PARM1: variants seen among roughly 807,000 people sequenced by gnomAD.
PARM1 encodes WSC4, cell wall integrity and stress response component 4 homolog.
Under a neutral mutation model 24.6 loss-of-function variants are expected in PARM1, and 14 were observed. The ratio of observed to expected loss-of-function variants is 0.57; its 90% CI spans 0.38 to 0.89. The LOEUF (loss-of-function observed/expected upper bound fraction) is 0.89, where lower values mean the gene tolerates loss of function less well. Ranked by LOEUF, PARM1 falls within the 40% of genes least tolerant of loss-of-function variation. The pLI is 0.00. For synonymous variants in PARM1, 179 were observed against 156.6 expected, an observed-to-expected ratio of 1.14 and a Z score of -1.07; for missense variants, 362 against 380.4, an observed-to-expected ratio of 0.95 and a Z score of 0.40.
chr4:74,999,013 A>G (rs1722629011), intron 1 of PARM1: 1 of 152,278 alleles, frequency 6.6e-6, no homozygotes, highest in Admixed American at 6.5e-5. Flanking sequence ...CTGACGGGAA[A>G]GAGCGTTAAT....
At chr4:74,996,242 C>T (rs1198487638) in intron 1 of PARM1, among the ~76,000 whole-genome samples, 6 of 152,124 alleles carry the variant, frequency 3.9e-5, no homozygotes, top group Non-Finnish European at 7.3e-5. Context: ...TGCTCTGTAG[C>T]AGCTCACTCC....
chr4:75,025,915 G>A (rs1723174952), intron 2 of PARM1, among the ~76,000 whole-genome samples: 1 of 152,132 alleles, frequency 6.6e-6, no homozygotes. Flanking sequence ...GTAGATAAGA[G>A]TATAAACATG....
chr4:74,946,344 C>G (rs1015069695), intron 1 of PARM1, among the ~76,000 whole-genome samples: 1 of 152,174 alleles, frequency 6.6e-6, no homozygotes, highest in African/African-American at 2.4e-5. Flanking sequence ...GATTCTCTTC[C>G]CCATCCCCAC....
intron 3 of PARM1, among the ~76,000 whole-genome samples, chr4:75,039,101 T>A (rs1723427614): frequency 1.3e-5 from 2 of 152,242 alleles, no homozygotes; most frequent in Admixed American, 1.3e-4. Flanking sequence ...AAGGCCAAGA[T>A]CTTCTAGAAT....
chr4:74,940,964 TCACTGC>T (rs1000311512), intron 1 of PARM1, among the ~76,000 whole-genome samples: 1 of 152,224 alleles, frequency 6.6e-6, no homozygotes, highest in Non-Finnish European at 1.5e-5. Flanking sequence ...TGAGGTGACC[TCACTGC>T]CACTTGTTCA....
intron 1 of PARM1, among the ~76,000 whole-genome samples, chr4:74,952,901 CTAAAG>C (rs1461750763): frequency 1.3e-5 from 2 of 152,138 alleles, no homozygotes; most frequent in African/African-American, 2.4e-5. Context: ...TCCTTCCTTA[CTAAAG>C]TAATTAGAAG....
At chr4:74,984,635 C>T (rs764697093) in intron 1 of PARM1, among the ~76,000 whole-genome samples, 18 of 151,988 alleles carry the variant, frequency 1.2e-4, no homozygotes, top group Non-Finnish European at 2.2e-4. Context: ...TAGAGATTAA[C>T]AAAATAAAAA....
intron 2 of PARM1, among the ~76,000 whole-genome samples, chr4:75,016,832 A>G (rs1055173396): frequency 1.3e-5 from 2 of 152,078 alleles, no homozygotes; most frequent in Non-Finnish European, 2.9e-5. Flanking sequence ...ATTGTCATCT[A>G]TGTGCTGATA....
chr4:74,945,697 G>A (rs1721399190), intron 1 of PARM1, among the ~76,000 whole-genome samples: 1 of 152,126 alleles, frequency 6.6e-6, no homozygotes, highest in African/African-American at 2.4e-5. Flanking sequence ...ACATATGGGA[G>A]CAATTTCTTA....
At chr4:75,008,271 C>A (rs1052455357) in intron 1 of PARM1, among the ~76,000 whole-genome samples, 1 of 152,186 alleles carries the variant, frequency 6.6e-6, no homozygotes, top group Non-Finnish European at 1.5e-5. Context: ...CTGTAAAGTT[C>A]TTTAAATAAG....
intron 1 of PARM1, among the ~76,000 whole-genome samples, chr4:75,010,320 G>C (rs1228055001): frequency 1.3e-5 from 2 of 152,246 alleles, no homozygotes; most frequent in South Asian, 2.1e-4. Flanking sequence ...CATAGAGACA[G>C]TAGAGTGTAG....
At chr4:75,004,020 G>A (rs191069090) in intron 1 of PARM1, among the ~76,000 whole-genome samples, 438 of 152,216 alleles carry the variant, frequency 2.9e-3, no homozygotes, top group African/African-American at 1.0e-2. Flanking sequence ...CATAAAGAAA[G>A]GAAATCCCTG....
At chr4:74,952,559 G>C (rs1721547301) in intron 1 of PARM1, among the ~76,000 whole-genome samples, 1 of 152,034 alleles carries the variant, frequency 6.6e-6, no homozygotes. Context: ...ATAGTTTTAG[G>C]TCTTACGTTT....
rs535970371 is a variant in PARM1, at chr4:74,988,455, G to T, written c.44-23970G>T. ...GCTGTGTAAATATGGGAGAGAAGAT[G>T]ATTAGTGGGAGAGATAAGAGAGACA... is the stretch of plus-strand genomic sequence containing the variant. On this transcript the variant is annotated intron_variant, in intron 1 of 3. Transcript: ENST00000307428. 5.3e-5 allele frequency among the ~76,000 whole-genome samples: 8 copies of T among 152,288 alleles called. No individual in the cohort carries two copies. In the East Asian group the frequency reaches 1.3e-3, roughly 26 times the overall value.
At chr4:74,999,592 G>C (rs1316462524) in intron 1 of PARM1, among the ~76,000 whole-genome samples, 1 of 152,054 alleles carries the variant, frequency 6.6e-6, no homozygotes, top group Non-Finnish European at 1.5e-5. Context: ...TAGATACCTG[G>C]GTTCCTTGCA....
At chr4:74,939,747 C>A (rs1721266147) in intron 1 of PARM1, among the ~76,000 whole-genome samples, 1 of 152,104 alleles carries the variant, frequency 6.6e-6, no homozygotes, top group Admixed American at 6.5e-5. Flanking sequence ...ATCAATTGAA[C>A]TGTGGTGGAT....
chr4:74,938,732 G>T (rs1721242679), intron 1 of PARM1, among the ~76,000 whole-genome samples: 1 of 152,094 alleles, frequency 6.6e-6, no homozygotes. Flanking sequence ...TCTGATGTGT[G>T]AATCTTTAAA....
At chr4:74,964,893 G>A (rs1286974436) in intron 1 of PARM1, among the ~76,000 whole-genome samples, 2 of 152,192 alleles carry the variant, frequency 1.3e-5, no homozygotes, top group African/African-American at 4.8e-5. Context: ...ATCTAGGTTA[G>A]TTTCTATTTC....
chr4:74,970,854 G>A (rs919888544), intron 1 of PARM1, among the ~76,000 whole-genome samples: 17 of 152,178 alleles, frequency 1.1e-4, no homozygotes, highest in African/African-American at 4.1e-4. Flanking sequence ...AGGCAATATA[G>A]AGTTGTGGGA....
Sources: gnomAD v4.1 joint callset for allele counts (sites outside exome capture counted in the v4.1 genomes callset) on GRCh38, gnomAD v4.1.1 for gene constraint, MANE v1.5 for transcripts, NCBI Gene and HGNC (gene_info 2026-07-23, HGNC 2026-07-21) for gene names.